Variants in LDHB observed in about 807,000 individuals in gnomAD.
The protein encoded by LDHB is lactate dehydrogenase B, also known as L-lactate dehydrogenase B chain.
In LDHB, 18 loss-of-function variants were observed where a neutral mutation model predicts 33.4. The observed-to-expected ratio is 0.54, with a 90% confidence interval of 0.37 to 0.80. The LOEUF (loss-of-function observed/expected upper bound fraction) is 0.80. Among genes scored for constraint, LDHB ranks in the 30% least tolerant of loss-of-function variants. LDHB has a pLI of 0.00. For synonymous variants in LDHB, 121 were observed against 140.6 expected (o/e 0.86, Z 0.98); for missense variants, 345 against 407.9 (o/e 0.85, Z 1.33).
intron 5 of LDHB, 152 bp downstream of exon 5, chr12:21,641,800 A>G: frequency 1.5e-6 from 1 of 654,422 alleles, no homozygotes; most frequent in Non-Finnish European, 2.6e-6. Context: ...TAAATGATAA[A>G]GCAAAATGGA....
At chr12:21,647,688 T>C (rs547277185) in intron 2 of LDHB, among the ~76,000 whole-genome samples, 14 of 152,296 alleles carry the variant, frequency 9.2e-5, no homozygotes, top group Non-Finnish European at 1.8e-4. Context: ...TCTGGAGTCA[T>C]ATTTTTTTTT....
intron 2 of LDHB, among the ~76,000 whole-genome samples, chr12:21,648,552 G>A (rs1677107): frequency 0.95 from 143,348 of 151,636 alleles, 68,264 homozygotes; most frequent in East Asian, 1. Flanking sequence ...GAGGGGCCAG[G>A]TAGGTAGGTA....
Position 21,637,092 on chromosome 12 carries a change from A to G in LDHB, c.816T>C (p.His272=), listed in dbSNP as rs375297310. The part of the protein sequence containing the change: ...ESMLKNLSRI[H]PVSTMVKGMY... ...TTACCTTTACCATTGTTGACACGGG[A>G]TGAATCCTGGATAGATTTTTCAACA... The change falls in exon 7 of 8, where the codon CAT becomes CAC. Residue 272 remains histidine (H), a synonymous_variant. Transcript: ENST00000350669. 1.2e-5 allele frequency: 19 copies of G among 1,606,748 alleles called. No individual in the cohort carries two copies. The highest frequency in any genetic ancestry group is 1.4e-5 in the Non-Finnish European group (16 of 1,174,546).
chr12:21,643,363 A>G (rs188865828), intron 4 of LDHB, among the ~76,000 whole-genome samples: 1 of 152,250 alleles, frequency 6.6e-6, no homozygotes, highest in Non-Finnish European at 1.5e-5. Context: ...AAAAAAGTGC[A>G]TTCTTTCTAG....
intron 1 of LDHB, among the ~76,000 whole-genome samples, chr12:21,655,090 C>T (rs1392129269): frequency 6.6e-6 from 1 of 151,948 alleles, no homozygotes; most frequent in Non-Finnish European, 1.5e-5. Context: ...CACTGCACCC[C>T]AGCCTGGCAA....
chr12:21,635,435 A>G lies in LDHB; in HGVS notation c.*107T>C. ...TGATTCTGTGAGCCCAAATTCACATATTGAAGAAGATCAAAGCAAACTGTG... is the reference window on the plus strand; with the variant it reads ...TGATTCTGTGAGCCCAAATTCACATGTTGAAGAAGATCAAAGCAAACTGTG... On this transcript the variant is annotated 3_prime_UTR_variant, in exon 8 of 8. Transcript: ENST00000350669. 1.1e-6 allele frequency: 1 copy of G among 916,352 alleles called. No homozygotes were observed. Among genetic ancestry groups the G allele is most frequent in the Non-Finnish European group, 1.8e-6 (1 of 552,166 alleles). 56.8% of individuals were successfully genotyped at this position (916,352 alleles called of 1,614,324 possible). A position where few individuals can be genotyped will look rare whatever the true frequency, so the allele number is the denominator to read the frequency against.
intron 1 of LDHB, among the ~76,000 whole-genome samples, chr12:21,656,277 T>G (rs1348208371): frequency 6.6e-6 from 1 of 152,220 alleles, no homozygotes; most frequent in Non-Finnish European, 1.5e-5. Flanking sequence ...TAAAAGGAGA[T>G]TCTTTCGCCT....
At chr12:21,646,809 A>G in intron 3 of LDHB, 90 bp downstream of exon 3, 1 of 794,950 alleles carries the variant, frequency 1.3e-6, no homozygotes, top group Non-Finnish European at 2.3e-6. Flanking sequence ...CTACTTACAA[A>G]TAAATCTATT....
intron 4 of LDHB, 47 bp downstream of exon 4, chr12:21,643,888 A>G (rs768533141): frequency 4.9e-6 from 7 of 1,426,662 alleles, no homozygotes; most frequent in Non-Finnish European, 5.0e-6. Context: ...CAGAAACACC[A>G]AAACACTGAA....
chr12:21,654,667 G>T lies in LDHB; in HGVS notation c.5C>A (p.Ala2Glu), dbSNP rs1308268823. 6.2e-7 allele frequency: 1 copy of T among 1,613,208 alleles called. No homozygotes were observed. The highest frequency in any genetic ancestry group is 1.1e-5 in the South Asian group (1 of 91,062). ...TGCAATGAGTTTTTCCTTAAGAGTT[G>T]CCATTTTGCACTGCAAGGAAAGAAT... Reference protein sequence around the residue: MATLKEKLIAPV... With the variant: METLKEKLIAPV... The change falls in exon 2 of 8, where the codon GCA (alanine) becomes GAA (glutamate). Residue 2 changes from alanine to glutamate, a missense_variant. Physicochemically the swap from Ala to Glu is moderately radical, Grantham distance 107 (BLOSUM62 -1). Transcript: ENST00000350669.
At chr12:21,644,424 C>CAAAAAA (rs72491634) in intron 3 of LDHB, among the ~76,000 whole-genome samples, 9 of 15,262 alleles carry the variant, frequency 5.9e-4, no homozygotes, top group African/African-American at 1.0e-3. Flanking sequence ...AGGTAGACAT[C>CAAAAAA]AAAAAAAAAA....
intron 7 of LDHB, among the ~76,000 whole-genome samples, chr12:21,636,762 T>TA (rs1379148531): frequency 3.9e-5 from 6 of 152,290 alleles, no homozygotes; most frequent in Middle Eastern, 3.4e-3. Context: ...ACATCAACTT[T>TA]AAATGAAACT....
At chr12:21,640,570 A>G (rs1938347116) in intron 5 of LDHB, among the ~76,000 whole-genome samples, 1 of 152,070 alleles carries the variant, frequency 6.6e-6, no homozygotes, top group South Asian at 2.1e-4. Flanking sequence ...CAAGTTATTT[A>G]TAAGCTTTTG....
Position 21,637,161 on chromosome 12 carries a change from G to T in LDHB, c.747C>A (p.Thr249=), listed in dbSNP as rs375117218. The T allele has an allele frequency of 1.1e-5, 17 of 1,601,700 alleles. No homozygotes were observed. Among genetic ancestry groups the T allele is most frequent in the Admixed American group, 1.7e-5 (1 of 59,896 alleles). ...CCACACTTAATCCAATAGCCCAGTTGGTATATCCTTTTAGCTTGATGACTT... is the reference window on the plus strand; with the variant it reads ...CCACACTTAATCCAATAGCCCAGTTTGTATATCCTTTTAGCTTGATGACTT... ...AYEVIKLKGY[T]NWAIGLSVAD... is the part of the protein sequence containing the mutation. Residue 249 remains threonine, a synonymous_variant, in exon 7 of 8, where the codon ACC becomes ACA. Transcript: ENST00000350669.
intron 2 of LDHB, among the ~76,000 whole-genome samples, chr12:21,650,685 T>TA (rs907985092): frequency 6.6e-6 from 1 of 152,144 alleles, no homozygotes; most frequent in Non-Finnish European, 1.5e-5. Context: ...GTAGAAGATG[T>TA]AAAAAAATCA....
chr12:21,654,306 G>A (rs1938776285), intron 2 of LDHB: 1 of 526,956 alleles, frequency 1.9e-6, no homozygotes, highest in African/African-American at 1.9e-5. Flanking sequence ...TGATAGTATT[G>A]CATCAGTGTT....
rs1382464328 is a variant in LDHB at position 21,635,524 on chromosome 12, C to A, written c.*18G>T. 1 of 1,602,358 alleles carries A rather than the reference C, an allele frequency of 6.2e-7. No individual in the cohort carries two copies. Reference sequence around the variant, plus strand: ...TCACATTGTAGTTTTTAAATTTCTACAGCCTAGAGCTCACTAGTCACAGGT... The same window carrying A: ...TCACATTGTAGTTTTTAAATTTCTAAAGCCTAGAGCTCACTAGTCACAGGT... On this transcript the variant is annotated 3_prime_UTR_variant, in exon 8 of 8. Transcript: ENST00000350669.
At chr12:21,655,564 A>G (rs1938819987) in intron 1 of LDHB, among the ~76,000 whole-genome samples, 1 of 152,256 alleles carries the variant, frequency 6.6e-6, no homozygotes, top group Non-Finnish European at 1.5e-5. Context: ...ATTTTTATTC[A>G]AAGTCTGCAA....
At chr12:21,654,233 T>C (rs1358854202) in intron 2 of LDHB, 2 of 350,414 alleles carry the variant, frequency 5.7e-6, no homozygotes, top group Non-Finnish European at 1.1e-5. Flanking sequence ...GAGGTGAAAA[T>C]AGCTATAAAC....
Sources: gnomAD v4.1 joint callset for allele counts (sites outside exome capture counted in the v4.1 genomes callset) on GRCh38, gnomAD v4.1.1 for gene constraint, MANE v1.5 for transcripts, NCBI Gene and HGNC (gene_info 2026-07-23, HGNC 2026-07-21) for gene names.